AKAP13: variants seen among roughly 807,000 people sequenced by gnomAD.
The protein encoded by AKAP13 is A-kinase anchoring protein 13.
A neutral mutation model predicts 264.5 loss-of-function variants in AKAP13; 80 were observed. The observed-to-expected ratio is 0.30, with a 90% confidence interval of 0.25 to 0.36. AKAP13 has a LOEUF of 0.36. Ranked by LOEUF, AKAP13 falls within the 10% of genes least tolerant of loss-of-function variation. The pLI is 1.00. For synonymous variants in AKAP13, 1,380 were observed against 1,250.2 expected, an observed-to-expected ratio of 1.10 and a Z score of -2.19; for missense variants, 3,712 against 3,435.2, an observed-to-expected ratio of 1.08 and a Z score of -2.01.
intron 8 of AKAP13, chr15:85,627,560 C>T (rs1056271172): frequency 6.6e-6 from 1 of 152,172 alleles, no homozygotes; most frequent in Non-Finnish European, 1.5e-5. Context: ...GATCTTTTTA[C>T]TACCTTTCTT....
At chr15:85,589,054 T>G (rs1201621177) in intron 8 of AKAP13, among the ~76,000 whole-genome samples, 3 of 152,208 alleles carry the variant, frequency 2.0e-5, no homozygotes, top group African/African-American at 7.2e-5. Context: ...CACAGCATTC[T>G]TATAATGATG....
Position 85,648,105 on chromosome 15 carries a change from C to T in AKAP13, c.4374+2151C>T, listed in dbSNP as rs1016477851. On this transcript the variant is annotated intron_variant, in intron 10 of 36. Coordinates refer to ENST00000394518, the MANE Select transcript of AKAP13 (RefSeq NM_007200.5). ...TTTAATTGTAAGGAATTCTGTTCCC[C>T]GCAAGGGGAATACCATTCTGAAGAT... 5.3e-5 allele frequency among the ~76,000 whole-genome samples: 8 copies of T among 152,098 alleles called. 1 individual carries two copies. Among genetic ancestry groups the T allele is most frequent in the South Asian group, 4.2e-4 (2 of 4,818 alleles).
At chr15:85,713,203 T>C (rs2086723677) in intron 19 of AKAP13, among the ~76,000 whole-genome samples, 1 of 152,198 alleles carries the variant, frequency 6.6e-6, no homozygotes, top group Non-Finnish European at 1.5e-5. Flanking sequence ...GCTGTTATTT[T>C]CTTCCCCCCT....
intron 2 of AKAP13, among the ~76,000 whole-genome samples, chr15:85,516,525 C>T (rs1224852454): frequency 6.6e-6 from 1 of 152,138 alleles, no homozygotes; most frequent in East Asian, 1.9e-4. Flanking sequence ...TACCTATAAC[C>T]TGTGATGGTT....
chr15:85,556,982 G>T (rs2078170837), intron 5 of AKAP13, among the ~76,000 whole-genome samples: 1 of 152,188 alleles, frequency 6.6e-6, no homozygotes, highest in Admixed American at 6.5e-5. Context: ...AACGTCTTCT[G>T]GGATTTTTGT....
intron 5 of AKAP13, among the ~76,000 whole-genome samples, chr15:85,568,018 C>T (rs1347954719): frequency 2.0e-5 from 3 of 151,692 alleles, no homozygotes; most frequent in South Asian, 4.2e-4. Flanking sequence ...CGCAGTGGCT[C>T]ACGCCTGTAA....
At chr15:85,600,596 C>G (rs190757943) in intron 8 of AKAP13, among the ~76,000 whole-genome samples, 1 of 152,146 alleles carries the variant, frequency 6.6e-6, no homozygotes, top group African/African-American at 2.4e-5. Context: ...TTTCACAACA[C>G]AAATGTTCCT....
At chr15:85,461,137 A>G (rs1257178377) in intron 1 of AKAP13, among the ~76,000 whole-genome samples, 1 of 139,004 alleles carries the variant, frequency 7.2e-6, no homozygotes, top group Admixed American at 7.6e-5. Context: ...TTTATTTGAG[A>G]CAGAGCCTCT....
intron 8 of AKAP13, among the ~76,000 whole-genome samples, chr15:85,621,835 G>GT (rs543769857): frequency 7.2e-5 from 11 of 151,960 alleles, no homozygotes; most frequent in Admixed American, 2.0e-4. Flanking sequence ...GTGGTTTTTT[G>GT]TTTTTTTGTT....
intron 1 of AKAP13, among the ~76,000 whole-genome samples, chr15:85,445,752 A>C (rs1382776449): frequency 5.3e-5 from 8 of 152,190 alleles, no homozygotes; most frequent in African/African-American, 1.9e-4. Context: ...GAGAGAGCTA[A>C]AAATTATTCA....
Position 85,416,319 on chromosome 15 carries a change from A to G in AKAP13, c.-12+35521A>G, listed in dbSNP as rs140643914. On this transcript the variant is annotated intron_variant, in intron 1 of 36. Transcript: ENST00000394518. ...GTACTTTCTTGGGAGTGGGGCTACTATGTGAACAGCTTGAGTAACATTTTG... is the reference window on the plus strand; with the variant it reads ...GTACTTTCTTGGGAGTGGGGCTACTGTGTGAACAGCTTGAGTAACATTTTG... Among the ~76,000 whole-genome samples, 28 of 152,340 alleles carry G rather than the reference A, an allele frequency of 1.8e-4. 1 individual carries two copies. Among genetic ancestry groups the G allele is most frequent in the African/African-American group, 6.5e-4 (27 of 41,572 alleles).
rs542457074 is a variant in AKAP13, at chr15:85,744,763, A to G, written c.*86A>G. On this transcript the variant is annotated 3_prime_UTR_variant, in exon 37 of 37. Coordinates refer to ENST00000394518, the MANE Select transcript of AKAP13 (RefSeq NM_007200.5). ...GTCCCCGCGTGCACAAGTCTCTTAC[A>G]CTGGACGCCCACTGCTCCTCAGCGT... The G allele has an allele frequency of 1.8e-4, 231 of 1,293,812 alleles. No individual in the cohort carries two copies. In the East Asian group the frequency reaches 3.3e-3, roughly 18 times the overall value. 80.1% of individuals were successfully genotyped at this position (1,293,812 alleles called of 1,614,324 possible).
chr15:85,547,068 G>C (rs1208119560), intron 5 of AKAP13, among the ~76,000 whole-genome samples: 2 of 152,142 alleles, frequency 1.3e-5, no homozygotes, highest in Non-Finnish European at 2.9e-5. Context: ...AATAGTTTGG[G>C]TATCTTCTTC....
intron 1 of AKAP13, among the ~76,000 whole-genome samples, chr15:85,411,952 G>A (rs1004247888): frequency 2.0e-5 from 3 of 152,178 alleles, no homozygotes; most frequent in Admixed American, 6.5e-5. Flanking sequence ...GCCACCATGA[G>A]CTTGACAGCT....
At chr15:85,442,493 ATATAT>A (rs1322120742) in intron 1 of AKAP13, among the ~76,000 whole-genome samples, 24 of 108,598 alleles carry the variant, frequency 2.2e-4, no homozygotes, top group Middle Eastern at 4.4e-3. Flanking sequence ...TATATATAAT[ATATAT>A]TATATTATAT....
Position 85,718,873 on chromosome 15 carries a change from TG to T in AKAP13, c.6002-200del. ...CATGACTTCAGCCTGCACTTCAGCC[TG>T]GGTGACAGAGCCAGAACCTGTCTTA... On this transcript the variant is annotated intron_variant, in intron 22 of 36. Coordinates refer to ENST00000394518, the MANE Select transcript of AKAP13 (RefSeq NM_007200.5). This position sits in a 1 kb window ranked among gnomAD's most constrained non-coding sequence, Gnocchi z 4.9. 1 of 600,098 alleles carries T rather than the reference TG, an allele frequency of 1.7e-6. No homozygotes were observed. Among genetic ancestry groups the T allele is most frequent in the Non-Finnish European group, 2.8e-6 (1 of 362,528 alleles). 37.2% of individuals were successfully genotyped at this position (600,098 alleles called of 1,614,324 possible).
intron 5 of AKAP13, among the ~76,000 whole-genome samples, chr15:85,551,530 G>A (rs949855095): frequency 1.3e-5 from 2 of 152,146 alleles, no homozygotes. Flanking sequence ...TAAGAAGATG[G>A]GTAGGAATTT....
chr15:85,601,509 T>G (rs2080069910), intron 8 of AKAP13, among the ~76,000 whole-genome samples: 1 of 151,994 alleles, frequency 6.6e-6, no homozygotes, highest in Non-Finnish European at 1.5e-5. Flanking sequence ...TCCCCCAAAA[T>G]AAGAAAAGCT....
chr15:85,701,672 G>A (rs1461798531), intron 17 of AKAP13, among the ~76,000 whole-genome samples: 1 of 328 alleles, frequency 3.0e-3, no homozygotes, highest in Admixed American at 0.025. Flanking sequence ...TTGAACTCCT[G>A]ACTCAGGTGA....
Sources: allele counts gnomAD v4.1 joint callset (sites outside exome capture counted in the v4.1 genomes callset), GRCh38; gene constraint gnomAD v4.1.1; non-coding constraint Gnocchi (gnomAD v3.1); transcripts MANE v1.5; gene names NCBI Gene and HGNC (gene_info 2026-07-23, HGNC 2026-07-21).